The following UFSP2 variants were observed in gnomAD, a reference collection of about 807,000 sequenced individuals.
The protein encoded by UFSP2 is ufm1-specific protease 2.
In UFSP2, 43 loss-of-function variants were observed where a neutral mutation model predicts 60.2. The observed-to-expected ratio is 0.71, with a 90% CI of 0.56 to 0.92. The LOEUF is 0.92. Ranked by LOEUF, UFSP2 falls within the 40% of genes least tolerant of loss-of-function variation. The pLI is 0.00. For missense variants in UFSP2, 520 were observed against 575.0 expected (o/e 0.90, Z 0.98); for synonymous variants, 183 against 195.1 (o/e 0.94, Z 0.52).
chr4:185,417,082 A>G (rs1295287475), intron 4 of UFSP2, among the ~76,000 whole-genome samples: 1 of 152,108 alleles, frequency 6.6e-6, no homozygotes, highest in Non-Finnish European at 1.5e-5. Context: ...GGTGGATACC[A>G]TCTTAAGTAA....
At chr4:185,410,215 A>T (rs953708938) in intron 7 of UFSP2, among the ~76,000 whole-genome samples, 1 of 152,220 alleles carries the variant, frequency 6.6e-6, no homozygotes, top group African/African-American at 2.4e-5. Context: ...ACACTTCTAA[A>T]TAATACATGG....
chr4:185,422,881 A>T (rs2095552019), intron 1 of UFSP2, among the ~76,000 whole-genome samples: 1 of 97,704 alleles, frequency 1.0e-5, no homozygotes, highest in Non-Finnish European at 2.1e-5. Flanking sequence ...TTGTTTGGAG[A>T]CAGGGTCTCA....
rs1258700678 is a variant in UFSP2 at position 185,415,297 on chromosome 4, T to C, written c.542A>G (p.Glu181Gly). The C allele has an allele frequency of 1.2e-6, 2 of 1,602,758 alleles. No individual in the cohort carries two copies. The highest frequency in any genetic ancestry group is 4.5e-5 in the East Asian group (2 of 44,582). The change falls in exon 6 of 12, where the codon GAA becomes GGA. Residue 181 changes from glutamate (E) to glycine (G), a missense_variant. Coordinates refer to ENST00000264689, the MANE Select transcript of UFSP2 (RefSeq NM_018359.5). ...TTTCATATATTTCAAAATACATTTTTCCATGTCAGTTAGTTGATTATGAAT... is the reference window on the plus strand; with the variant it reads ...TTTCATATATTTCAAAATACATTTTCCCATGTCAGTTAGTTGATTATGAAT... Reference protein sequence around the residue: ...DAIHNQLTDMEKCILKYMKGT... With the variant: ...DAIHNQLTDMGKCILKYMKGT...
chr4:185,400,579 ACT>A, intron 11 of UFSP2, 101 bp from the exon 12 acceptor site: 1 of 715,342 alleles, frequency 1.4e-6, no homozygotes, highest in Non-Finnish European at 2.3e-6. Flanking sequence ...TTGGAATAAG[ACT>A]CTAAATGGCT....
chr4:185,414,729 G>A (rs976797214), intron 6 of UFSP2, among the ~76,000 whole-genome samples: 1 of 152,124 alleles, frequency 6.6e-6, no homozygotes, highest in Non-Finnish European at 1.5e-5. Flanking sequence ...AACCTTACTT[G>A]TGGAGTATTA....
chr4:185,416,951 A>C (rs1236246250), intron 4 of UFSP2, among the ~76,000 whole-genome samples: 2 of 152,240 alleles, frequency 1.3e-5, no homozygotes, highest in Non-Finnish European at 2.9e-5. Flanking sequence ...GAAATTATCA[A>C]TGGATGCTAA....
rs70962562 is a variant in UFSP2, at chr4:185,404,293, GTTTTT to G, written c.1199-680_1199-676del. On this transcript the variant is annotated intron_variant, in intron 10 of 11. Coordinates refer to ENST00000264689, the MANE Select transcript of UFSP2 (RefSeq NM_018359.5). ...AGTGATATAGCACTCCATTCATTAA[GTTTTT>G]TTTTTTTTTTTTTTTTTTGAGCTAG... Among the ~76,000 whole-genome samples the G allele has an allele frequency of 1.0e-3, 82 of 80,480 alleles. 1 individual carries two copies. Among genetic ancestry groups the G allele is most frequent in the African/African-American group, 3.3e-3 (79 of 23,970 alleles). The allele number at this position is 80,480 out of a possible 152,430, so 52.8% of individuals were successfully genotyped here.
rs200418126 is a variant in UFSP2, at chr4:185,400,353, A to G, written c.*39T>C. The G allele has an allele frequency of 1.3e-5, 19 of 1,445,874 alleles. No individual in the cohort carries two copies. The African/African-American group carries it at 1.7e-4, about 13-fold the overall frequency. The allele number at this position is 1,445,874 out of a possible 1,614,324, so 89.6% of individuals were successfully genotyped here. ...AAACTGATTCTTTATTCACAAATTT[A>G]TAATACCACTCTACTGCAGTCTTTG... is the stretch of plus-strand genomic sequence containing the variant. On this transcript the variant is annotated 3_prime_UTR_variant, in exon 12 of 12. Transcript: ENST00000264689.
rs370459713 is a variant in UFSP2, at chr4:185,399,807, C to T, written c.*585G>A. On this transcript the variant is annotated 3_prime_UTR_variant, in exon 12 of 12. Coordinates refer to ENST00000264689, the MANE Select transcript of UFSP2 (RefSeq NM_018359.5). ...CTCAGAGCTGCTGCTTTTTTCCTCC[C>T]GCAGTGATCTCTTGTTTGCATAGCA... 99 of 1,612,076 alleles carry T rather than the reference C, an allele frequency of 6.1e-5. No homozygotes were observed. Among genetic ancestry groups the T allele is most frequent in the African/African-American group, 8.0e-5 (6 of 74,816 alleles).
chr4:185,419,839 T>C (rs1276296737), intron 2 of UFSP2, among the ~76,000 whole-genome samples: 3 of 152,234 alleles, frequency 2.0e-5, no homozygotes, highest in Non-Finnish European at 4.4e-5. Flanking sequence ...TTGTTTCCAC[T>C]TTTTGGCTAT....
Position 185,399,735 on chromosome 4 carries a change from C to T in UFSP2, c.*657G>A, listed in dbSNP as rs749133633. ...CCGTGCTCAGACAGAAACGGAGTCT[C>T]GGAAGTGTAGAAAATACCAGTGGGA... is the stretch of plus-strand genomic sequence containing the variant. On this transcript the variant is annotated 3_prime_UTR_variant, in exon 12 of 12. Transcript: ENST00000264689. 20 of 1,613,912 alleles carry T rather than the reference C, an allele frequency of 1.2e-5. No homozygotes were observed. Among genetic ancestry groups the T allele is most frequent in the South Asian group, 2.2e-5 (2 of 91,068 alleles).
intron 11 of UFSP2, 83 bp from the exon 12 acceptor site, chr4:185,400,561 G>A: frequency 1.0e-5 from 10 of 993,430 alleles, no homozygotes; most frequent in Non-Finnish European, 1.5e-5. Context: ...GGCTCTGTCA[G>A]CAGGACCTTG....
intron 10 of UFSP2, among the ~76,000 whole-genome samples, chr4:185,404,093 C>T (rs759728086): frequency 2.0e-5 from 3 of 151,576 alleles, no homozygotes; most frequent in Non-Finnish European, 4.4e-5. Flanking sequence ...AAAATTACAT[C>T]TTTAACACAA....
chr4:185,410,984 A>G (rs2095528252), intron 7 of UFSP2, among the ~76,000 whole-genome samples: 1 of 151,452 alleles, frequency 6.6e-6, no homozygotes, highest in African/African-American at 2.4e-5. Flanking sequence ...ATTAGCAATA[A>G]GCTAACATGT....
At chr4:185,401,528 T>C (rs1404122111) in intron 11 of UFSP2, among the ~76,000 whole-genome samples, 1 of 152,144 alleles carries the variant, frequency 6.6e-6, no homozygotes, top group Non-Finnish European at 1.5e-5. Flanking sequence ...ACATAGTGCA[T>C]AGGACATGCT....
chr4:185,405,490 A>C (rs528906701), intron 10 of UFSP2, among the ~76,000 whole-genome samples: 2 of 152,312 alleles, frequency 1.3e-5, no homozygotes, highest in South Asian at 4.1e-4. Flanking sequence ...TGACTTACGA[A>C]GCTCAGCTGA....
At position 185,422,547 on chromosome 4, in the gene UFSP2, A is replaced by G. The variant is rs779376444; in HGVS notation, c.20T>C (p.Met7Thr). The change falls in exon 2 of 12, where the codon ATG (methionine) becomes ACG (threonine). Residue 7 changes from methionine to threonine, a missense_variant. Met to Thr is a moderately conservative substitution (Grantham distance 81). Coordinates refer to ENST00000264689, the MANE Select transcript of UFSP2 (RefSeq NM_018359.5). ...TCCTCTTATTCTGAAGAGTATATCC[A>G]TACTTTCTGAAATCACCTAGAACAA... Reference protein sequence around the residue: MVISESMDILFRIRGGL... With the variant: MVISESTDILFRIRGGL... The G allele has an allele frequency of 1.2e-6, 2 of 1,608,334 alleles. No homozygotes were observed. Among genetic ancestry groups the G allele is most frequent in the Non-Finnish European group, 1.7e-6 (2 of 1,178,234 alleles).
intron 7 of UFSP2, among the ~76,000 whole-genome samples, chr4:185,410,860 C>T (rs1580060197): frequency 6.7e-6 from 1 of 148,642 alleles, no homozygotes; most frequent in East Asian, 2.0e-4. Context: ...GGAGGATAAT[C>T]GCTGGAACCC....
At chr4:185,417,770 G>A (rs970293449) in intron 4 of UFSP2, among the ~76,000 whole-genome samples, 3 of 152,146 alleles carry the variant, frequency 2.0e-5, no homozygotes, top group African/African-American at 4.8e-5. Context: ...CCAGCCGGGC[G>A]CGGTGGCTCA....
Sources: allele counts gnomAD v4.1 joint callset (sites outside exome capture counted in the v4.1 genomes callset), GRCh38; gene constraint gnomAD v4.1.1; transcripts MANE v1.5; gene names NCBI Gene and HGNC (gene_info 2026-07-23, HGNC 2026-07-21).